The following NPAS3 variants were observed in gnomAD, a reference collection of about 807,000 sequenced individuals.
NPAS3 encodes neuronal PAS domain protein 3.
Under a neutral mutation model 73.1 loss-of-function variants are expected in NPAS3, and 14 were observed. That is an observed-to-expected ratio of 0.19 (90% CI 0.13 to 0.30). NPAS3 has a LOEUF of 0.30. Ranked by LOEUF, NPAS3 falls within the 10% of genes least tolerant of loss-of-function variation. The pLI is 1.00. For missense variants in NPAS3, 1,096 were observed against 1,250.0 expected (o/e 0.88, Z 1.86); for synonymous variants, 620 against 541.5 (o/e 1.14, Z -2.01).
At chr14:33,359,075 TA>T (rs1369397296) in intron 3 of NPAS3, among the ~76,000 whole-genome samples, 1 of 152,080 alleles carries the variant, frequency 6.6e-6, no homozygotes, top group Non-Finnish European at 1.5e-5. Context: ...TTACTGAGCA[TA>T]ATACCAAGAA....
chr14:33,502,436 G>A (rs1293348965), intron 4 of NPAS3, among the ~76,000 whole-genome samples: 1 of 151,836 alleles, frequency 6.6e-6, no homozygotes, highest in South Asian at 2.1e-4. Context: ...TCTTCGTTGG[G>A]GAGAGCCCTG....
At chr14:33,634,942 A>C (rs575701995) in intron 5 of NPAS3, among the ~76,000 whole-genome samples, 13 of 152,316 alleles carry the variant, frequency 8.5e-5, no homozygotes, top group Admixed American at 4.6e-4. Context: ...ATATCTACTG[A>C]ATCATAATTT....
intron 4 of NPAS3, among the ~76,000 whole-genome samples, chr14:33,478,023 C>T (rs977606568): frequency 1.3e-5 from 2 of 152,100 alleles, no homozygotes; most frequent in Non-Finnish European, 2.9e-5. Flanking sequence ...TGTGGAAGCC[C>T]TAGTGATTGA....
intron 5 of NPAS3, among the ~76,000 whole-genome samples, chr14:33,660,696 A>G (rs905556982): frequency 9.9e-5 from 15 of 152,202 alleles, no homozygotes; most frequent in Non-Finnish European, 1.8e-4. Context: ...CTGATGGTTA[A>G]TAGTAATTAA....
At chr14:33,787,195 G>A (rs1341629383) in intron 9 of NPAS3, among the ~76,000 whole-genome samples, 3 of 152,138 alleles carry the variant, frequency 2.0e-5, no homozygotes, top group African/African-American at 7.2e-5. Flanking sequence ...TGTCCCTCAT[G>A]CCAACAATTA....
chr14:33,127,025 A>G (rs181669561), intron 2 of NPAS3, among the ~76,000 whole-genome samples: 1 of 152,190 alleles, frequency 6.6e-6, no homozygotes, highest in Admixed American at 6.5e-5. Context: ...TCCTAATTCC[A>G]TCTCCACTGC....
chr14:33,107,176 G>A (rs936199497), intron 2 of NPAS3, among the ~76,000 whole-genome samples: 3 of 152,140 alleles, frequency 2.0e-5, no homozygotes, highest in Non-Finnish European at 4.4e-5. Context: ...TGGTATCACA[G>A]GGCTAGGTAA....
chr14:33,486,380 A>G (rs1026678471), intron 4 of NPAS3, among the ~76,000 whole-genome samples: 1 of 151,986 alleles, frequency 6.6e-6, no homozygotes, highest in Admixed American at 6.6e-5. Context: ...AGCAACCACT[A>G]AGGTTCACAG....
At chr14:33,164,289 T>G (rs2045036108) in intron 2 of NPAS3, among the ~76,000 whole-genome samples, 1 of 152,184 alleles carries the variant, frequency 6.6e-6, no homozygotes. Flanking sequence ...TACAAAGAAG[T>G]TTCATAAAGA....
chr14:33,242,302 G>A (rs1320994998), intron 3 of NPAS3, among the ~76,000 whole-genome samples: 2 of 152,050 alleles, frequency 1.3e-5, no homozygotes, highest in East Asian at 1.9e-4. Flanking sequence ...GACAGTAGAC[G>A]TGTCAAGTAC....
At chr14:33,159,783 G>C (rs1006741882) in intron 2 of NPAS3, among the ~76,000 whole-genome samples, 1 of 152,192 alleles carries the variant, frequency 6.6e-6, no homozygotes, top group South Asian at 2.1e-4. Flanking sequence ...TCAATGTCCT[G>C]ACCTCGTGAT....
At chr14:33,641,232 C>G (rs1409961440) in intron 5 of NPAS3, among the ~76,000 whole-genome samples, 1 of 152,160 alleles carries the variant, frequency 6.6e-6, no homozygotes, top group Admixed American at 6.5e-5. Context: ...TCAGCCTTAA[C>G]AGATCTTTCT....
At chr14:33,140,440 C>A (rs1425605767) in intron 2 of NPAS3, among the ~76,000 whole-genome samples, 1 of 152,050 alleles carries the variant, frequency 6.6e-6, no homozygotes, top group Non-Finnish European at 1.5e-5. Context: ...CAGCAGGTGA[C>A]CATTGTGTAA....
At chr14:33,629,525 A>G (rs1272952566) in intron 5 of NPAS3, among the ~76,000 whole-genome samples, 1 of 151,808 alleles carries the variant, frequency 6.6e-6, no homozygotes, top group East Asian at 1.9e-4. Context: ...GAAGAAACTA[A>G]TGATAGCAGT....
chr14:33,356,925 A>G (rs1452385848), intron 3 of NPAS3, among the ~76,000 whole-genome samples: 1 of 152,180 alleles, frequency 6.6e-6, no homozygotes, highest in African/African-American at 2.4e-5. Flanking sequence ...TGAAAAGTAT[A>G]AAAATATTGC....
intron 2 of NPAS3, among the ~76,000 whole-genome samples, chr14:33,209,428 T>A (rs1159751136): frequency 1.3e-5 from 2 of 152,196 alleles, no homozygotes; most frequent in African/African-American, 4.8e-5. Flanking sequence ...CTGTACTTTT[T>A]CCCTGGGAAG....
At chr14:33,209,337 G>A (rs2046945830) in intron 2 of NPAS3, among the ~76,000 whole-genome samples, 2 of 152,106 alleles carry the variant, frequency 1.3e-5, no homozygotes. Context: ...TTGACTTTGA[G>A]CTCTATGTAA....
intron 3 of NPAS3, among the ~76,000 whole-genome samples, chr14:33,325,374 G>T (rs1201430932): frequency 6.6e-6 from 1 of 152,124 alleles, no homozygotes; most frequent in African/African-American, 2.4e-5. Flanking sequence ...GGGCACAGTG[G>T]CTCACGCCTG....
At chr14:33,491,558 A>T (rs1311842484) in intron 4 of NPAS3, among the ~76,000 whole-genome samples, 1 of 152,150 alleles carries the variant, frequency 6.6e-6, no homozygotes, top group Non-Finnish European at 1.5e-5. Flanking sequence ...AATTATAATT[A>T]ATTTGAAGAG....
Sources: gnomAD v4.1 joint callset for allele counts (sites outside exome capture counted in the v4.1 genomes callset) on GRCh38, gnomAD v4.1.1 for gene constraint, MANE v1.5 for transcripts, NCBI Gene and HGNC (gene_info 2026-07-23, HGNC 2026-07-21) for gene names.